The following RAB11FIP3 variants were observed in gnomAD, a reference collection of about 807,000 sequenced individuals.
RAB11FIP3 encodes RAB11 family interacting protein 3, also known as rab11 family-interacting protein 3.
Under a neutral mutation model 77.8 loss-of-function variants are expected in RAB11FIP3, and 17 were observed. The observed-to-expected ratio is 0.22, with a 90% CI of 0.15 to 0.33. RAB11FIP3 has a LOEUF of 0.33. Ranked by LOEUF, RAB11FIP3 falls within the 10% of genes least tolerant of loss-of-function variation. The pLI is 1.00. For synonymous variants in RAB11FIP3, 437 were observed against 448.2 expected (o/e 0.98, Z 0.31); for missense variants, 1,005 against 1,011.2 (o/e 0.99, Z 0.08).
At chr16:456,239 C>G (rs2055501068) in intron 1 of RAB11FIP3, among the ~76,000 whole-genome samples, 1 of 152,008 alleles carries the variant, frequency 6.6e-6, no homozygotes, top group Non-Finnish European at 1.5e-5. Context: ...CACTTGAAGT[C>G]AGGAGTTCGA....
chr16:513,598 T>C (rs2032280132), intron 9 of RAB11FIP3, among the ~76,000 whole-genome samples: 1 of 152,230 alleles, frequency 6.6e-6, no homozygotes, highest in Non-Finnish European at 1.5e-5. Context: ...ACGTGGCTTT[T>C]TTAAACTGAG....
chr16:503,738 C>T (rs886432034), intron 7 of RAB11FIP3, among the ~76,000 whole-genome samples: 3 of 151,988 alleles, frequency 2.0e-5, no homozygotes, highest in Non-Finnish European at 2.9e-5. Flanking sequence ...AAGTTAGCCA[C>T]GCATGGTGGC....
At chr16:496,690 TG>T (rs1373751180) in intron 5 of RAB11FIP3, 133 bp from the exon 6 acceptor site, 10 of 831,012 alleles carry the variant, frequency 1.2e-5, no homozygotes, top group Non-Finnish European at 1.8e-5. Context: ...TGGACTTGCC[TG>T]GGGGGCCCTG....
At chr16:517,951 A>G (rs889652375) in intron 9 of RAB11FIP3, among the ~76,000 whole-genome samples, 1 of 152,004 alleles carries the variant, frequency 6.6e-6, no homozygotes, top group Non-Finnish European at 1.5e-5. Context: ...GTGTGGTGGC[A>G]GTCGCCTGTA....
chr16:432,016 C>T (rs2055045597), intron 1 of RAB11FIP3, among the ~76,000 whole-genome samples: 1 of 152,136 alleles, frequency 6.6e-6, no homozygotes, highest in Admixed American at 6.6e-5. Context: ...CTCGGCCTCC[C>T]AAAGTGCTGG....
chr16:475,019 G>C (rs1228419074), intron 3 of RAB11FIP3: 1 of 1,551,718 alleles, frequency 6.4e-7, no homozygotes, highest in East Asian at 2.4e-5. Flanking sequence ...TGGGGAGCCG[G>C]TCTCCAACAG....
chr16:458,910 G>A (rs1220118546), intron 1 of RAB11FIP3, among the ~76,000 whole-genome samples: 1 of 152,182 alleles, frequency 6.6e-6, no homozygotes, highest in Non-Finnish European at 1.5e-5. Flanking sequence ...GTGGAGAGTA[G>A]TGAAATGGTG....
At chr16:492,284 G>A (rs1021939232) in intron 5 of RAB11FIP3, among the ~76,000 whole-genome samples, 10 of 150,892 alleles carry the variant, frequency 6.6e-5, no homozygotes, top group African/African-American at 1.7e-4. Context: ...GGTGGGGCCC[G>A]GCACTGATGG....
At position 493,078 on chromosome 16, in the gene RAB11FIP3, C is replaced by G. The variant is rs543805372; in HGVS notation, c.1266-3746C>G. Reference sequence around the variant, plus strand: ...CCAGCCTGGCCAACATGGCGAAACCCTGTCTCTACTAAAAACATAAAAATT... The same window carrying G: ...CCAGCCTGGCCAACATGGCGAAACCGTGTCTCTACTAAAAACATAAAAATT... On this transcript the variant is annotated intron_variant, in intron 5 of 13. Coordinates refer to ENST00000262305, the MANE Select transcript of RAB11FIP3 (RefSeq NM_014700.4). 1.3e-3 allele frequency among the ~76,000 whole-genome samples: 203 copies of G among 152,190 alleles called. 1 individual carries two copies. The highest frequency in any genetic ancestry group is 4.8e-3 in the African/African-American group (199 of 41,526).
At chr16:475,562 A>G (rs1281795974) in intron 3 of RAB11FIP3, among the ~76,000 whole-genome samples, 1 of 152,164 alleles carries the variant, frequency 6.6e-6, no homozygotes, top group Non-Finnish European at 1.5e-5. Context: ...AACTCCATGT[A>G]GGGAGGCCTT....
Position 481,368 on chromosome 16 carries a change from A to G in RAB11FIP3, c.904-1157A>G, listed in dbSNP as rs114170329. 9.3e-3 allele frequency among the ~76,000 whole-genome samples: 1,413 copies of G among 152,064 alleles called. 21 individuals carry two copies. Among genetic ancestry groups the G allele is most frequent in the African/African-American group, 0.032 (1,331 of 41,500 alleles). ...TCTACTAGAAATACAAAACTTAGCT[A>G]GGCATGATGGTACATGCTTGTCTTC... On this transcript the variant is annotated intron_variant, in intron 3 of 13. Coordinates refer to ENST00000262305, the MANE Select transcript of RAB11FIP3 (RefSeq NM_014700.4).
intron 1 of RAB11FIP3, among the ~76,000 whole-genome samples, chr16:429,574 A>C (rs2055003634): frequency 1.3e-5 from 2 of 149,122 alleles, no homozygotes; most frequent in South Asian, 4.3e-4. Flanking sequence ...ATCTCGGCTC[A>C]CTGCAACCTC....
intron 1 of RAB11FIP3, among the ~76,000 whole-genome samples, chr16:437,483 T>G (rs572023242): frequency 6.8e-6 from 1 of 147,040 alleles, no homozygotes; most frequent in Admixed American, 7.0e-5. Context: ...GGCAGGAGAA[T>G]CACTTGAACC....
chr16:488,906 G>A lies in RAB11FIP3; in HGVS notation c.1171G>A (p.Glu391Lys). 6.2e-7 allele frequency: 1 copy of A among 1,614,044 alleles called. No individual in the cohort carries two copies. The highest frequency in any genetic ancestry group is 8.5e-7 in the Non-Finnish European group (1 of 1,179,992). Reference sequence around the variant, plus strand: ...GGTGATCGGGGGCGAGGAGCACTTTGAGGACTACGGTGAAGGCAGTGAGGC... The same window carrying A: ...GGTGATCGGGGGCGAGGAGCACTTTAAGGACTACGGTGAAGGCAGTGAGGC... ...ITVIGGEEHF[E>K]DYGEGSEAEL... is the part of the protein sequence containing the mutation. Residue 391 changes from glutamate (E) to lysine (K), a missense_variant, in exon 5 of 14, where the codon GAG becomes AAG. Physicochemically the swap from Glu to Lys is moderately conservative, Grantham distance 56. Transcript: ENST00000262305.
At chr16:432,760 C>G (rs2055059176) in intron 1 of RAB11FIP3, among the ~76,000 whole-genome samples, 1 of 151,212 alleles carries the variant, frequency 6.6e-6, no homozygotes, top group South Asian at 2.1e-4. Flanking sequence ...CGCCTGCCAC[C>G]ACTCCGGCTA....
chr16:464,498 A>G (rs990485404), intron 2 of RAB11FIP3, among the ~76,000 whole-genome samples: 1 of 152,154 alleles, frequency 6.6e-6, no homozygotes. Flanking sequence ...CTCCTGGGAC[A>G]TGGCAGCTGT....
At chr16:428,579 A>C (rs1426712986) in intron 1 of RAB11FIP3, among the ~76,000 whole-genome samples, 1 of 152,154 alleles carries the variant, frequency 6.6e-6, no homozygotes, top group Non-Finnish European at 1.5e-5. Flanking sequence ...GTAGGTAAGC[A>C]GGATTCATCC....
At chr16:491,960 C>G (rs1271469511) in intron 5 of RAB11FIP3, among the ~76,000 whole-genome samples, 1 of 152,182 alleles carries the variant, frequency 6.6e-6, no homozygotes, top group African/African-American at 2.4e-5. Flanking sequence ...TCTGGGACGG[C>G]TTCCTGAAGA....
At chr16:491,087 C>T (rs773530253) in intron 5 of RAB11FIP3, 1 of 1,273,750 alleles carries the variant, frequency 7.9e-7, no homozygotes, top group Non-Finnish European at 1.0e-6. Context: ...CACAGATGAC[C>T]ACACGGGTCC....
Sources: allele counts gnomAD v4.1 joint callset (sites outside exome capture counted in the v4.1 genomes callset), GRCh38; gene constraint gnomAD v4.1.1; transcripts MANE v1.5; gene names NCBI Gene and HGNC (gene_info 2026-07-23, HGNC 2026-07-21).